TARDBP: variants seen among roughly 807,000 people sequenced by gnomAD.
The protein encoded by TARDBP is TAR DNA-binding protein 43.
A neutral mutation model predicts 38.3 loss-of-function variants in TARDBP; 4 were observed. The ratio of observed to expected loss-of-function variants is 0.10; its 90% CI spans 0.05 to 0.24. TARDBP has a LOEUF of 0.24. TARDBP is among the 10% of genes least tolerant of loss of function. The pLI is 1.00. For missense variants in TARDBP, 202 were observed against 521.9 expected (o/e 0.39, Z 5.97); for synonymous variants, 184 against 183.8 (o/e 1.00, Z -0.01).
intron 2 of TARDBP, among the ~76,000 whole-genome samples, chr1:11,015,804 C>G (rs901403273): frequency 4.0e-5 from 6 of 151,608 alleles, no homozygotes; most frequent in African/African-American, 1.5e-4. Context: ...AGTGCAGTGG[C>G]ACGATCTTGG....
intron 3 of TARDBP, 39 bp from the exon 4 acceptor site, chr1:11,018,694 A>G (rs1643577902): frequency 1.2e-6 from 2 of 1,611,874 alleles, no homozygotes; most frequent in African/African-American, 1.3e-5. Flanking sequence ...GTGTGTGAGT[A>G]TGTGCACTTT....
At chr1:11,018,538 G>C in intron 3 of TARDBP, 195 bp from the exon 4 acceptor site, 1 of 711,612 alleles carries the variant, frequency 1.4e-6, no homozygotes, top group East Asian at 2.7e-5. Flanking sequence ...GTATAAGTGA[G>C]TTTTGCTCTG....
chr1:11,013,588 A>G (rs1168213786), intron 1 of TARDBP, 128 bp from the exon 2 acceptor site: 3 of 753,120 alleles, frequency 4.0e-6, no homozygotes, highest in African/African-American at 3.5e-5. Flanking sequence ...GGGATAACCA[A>G]TGCATATACG....
chr1:11,018,588 T>G, intron 3 of TARDBP, 145 bp from the exon 4 acceptor site: 1 of 1,066,568 alleles, frequency 9.4e-7, no homozygotes, highest in East Asian at 2.4e-5. Flanking sequence ...CCTCCTTGTT[T>G]TTACTGTTAA....
Position 11,018,888 on chromosome 1 carries a change from G to C in TARDBP, c.543+15G>C, listed in dbSNP as rs749471636. On this transcript the variant is annotated intron_variant, in intron 4 of 5. Coordinates refer to ENST00000240185, the MANE Select transcript of TARDBP (RefSeq NM_007375.4). ...CTAATTCTAAGGTACTTGCGTCTGT[G>C]CTTTGGGAATTTTTGCCAACAAACT... is the stretch of plus-strand genomic sequence containing the variant. 6.2e-7 allele frequency: 1 copy of C among 1,613,988 alleles called. No homozygotes were observed. The highest frequency in any genetic ancestry group is 1.6e-4 in the Middle Eastern group (1 of 6,062).
chr1:11,018,675 G>T, intron 3 of TARDBP, 58 bp from the exon 4 acceptor site: 1 of 1,611,196 alleles, frequency 6.2e-7, no homozygotes, highest in South Asian at 1.1e-5. Context: ...ACTATGATTT[G>T]GGAATGGAGT....
At chr1:11,019,336 T>C (rs1442130617) in intron 4 of TARDBP, 1 of 302,654 alleles carries the variant, frequency 3.3e-6, no homozygotes, top group Admixed American at 5.0e-5. Flanking sequence ...ATGGCAAAGT[T>C]GATCAGTCAG....
At position 11,022,689 on chromosome 1, in the gene TARDBP, G is replaced by A. The variant is rs1156387245; in HGVS notation, c.*35G>A. The A allele has an allele frequency of 1.2e-5, 19 of 1,590,532 alleles. No homozygotes were observed. Among genetic ancestry groups the A allele is most frequent in the Non-Finnish European group, 1.6e-5 (19 of 1,169,750 alleles). ...TTGTGGTTGGTTGGTATAGAATGGTGGGAATTCAAATTTTTCTAAACTCAT... is the reference window on the plus strand; with the variant it reads ...TTGTGGTTGGTTGGTATAGAATGGTAGGAATTCAAATTTTTCTAAACTCAT... On this transcript the variant is annotated 3_prime_UTR_variant, in exon 6 of 6. Coordinates refer to ENST00000240185, the MANE Select transcript of TARDBP (RefSeq NM_007375.4). The surrounding 1 kb of genome is among the most constrained non-coding windows in gnomAD (Gnocchi z 4.5).
rs551331110 is a variant in TARDBP, at chr1:11,025,314, A to G, written c.*2660A>G. On this transcript the variant is annotated 3_prime_UTR_variant, in exon 6 of 6. Transcript: ENST00000240185. ...CAATGTTGAGTGGCCTTTTATTAAC[A>G]TGTTTATGGTACTGCATAGATACGG... The G allele has an allele frequency of 6.6e-6, 1 of 152,522 alleles. No individual in the cohort carries two copies. Among genetic ancestry groups the G allele is most frequent in the East Asian group, 1.9e-4 (1 of 5,176 alleles). The allele number at this position is 152,522 out of a possible 1,614,324, so 9.4% of individuals were successfully genotyped here. A position where few individuals can be genotyped will look rare whatever the true frequency, so the allele number is the denominator to read the frequency against.
chr1:11,027,585 C>A (rs1355355056), downstream of TARDBP: 1 of 1,614,196 alleles, frequency 6.2e-7, no homozygotes, highest in East Asian at 2.2e-5. Context: ...AGGAAAATCA[C>A]CAGGTTTTGC....
chr1:11,021,763 A>G (rs1643643507), intron 5 of TARDBP, among the ~76,000 whole-genome samples: 1 of 151,966 alleles, frequency 6.6e-6, no homozygotes, highest in African/African-American at 2.4e-5. Context: ...ACGCCCAGCT[A>G]ATGTGGCTTT....
Position 11,023,105 on chromosome 1 carries a change from A to C in TARDBP, c.*451A>C. The C allele has an allele frequency of 4.6e-6, 7 of 1,524,074 alleles. No homozygotes were observed. In the East Asian group the frequency reaches 1.2e-4, roughly 27 times the overall value. 94.4% of individuals were successfully genotyped at this position (1,524,074 alleles called of 1,614,324 possible). ...TCCTTTTAGGAGATCATGGTGTCAC[A>C]GTGTTTGGTTCTTTTGTTTTGTTTT... On this transcript the variant is annotated 3_prime_UTR_variant, in exon 6 of 6. Transcript: ENST00000240185.
Position 11,022,620 on chromosome 1 carries a change from G to A in TARDBP, c.1211G>A (p.Ser404Asn). ...GGTTTTAATGGAGGCTTTGGCTCAA[G>A]CATGGATTCTAAGTCTTCTGGCTGG... ...GSGFNGGFGS[S>N]MDSKSSGWGM The change falls in exon 6 of 6, where the codon AGC becomes AAC. Residue 404 changes from serine (S) to asparagine (N), a missense_variant. By Grantham distance (46) the Ser-to-Asn change is conservative. Coordinates refer to ENST00000240185, the MANE Select transcript of TARDBP (RefSeq NM_007375.4). The surrounding 1 kb of genome is among the most constrained non-coding windows in gnomAD (Gnocchi z 4.5). 1.2e-6 allele frequency: 2 copies of A among 1,605,338 alleles called. No homozygotes were observed. The highest frequency in any genetic ancestry group is 2.2e-5 in the South Asian group (2 of 89,974).
chr1:11,018,511 T>G (rs1643574220), intron 3 of TARDBP: 1 of 618,398 alleles, frequency 1.6e-6, no homozygotes, highest in South Asian at 2.0e-5. Flanking sequence ...TTTAAAAAAC[T>G]CAAAAACATT....
chr1:11,029,327 A>G (rs901698742), downstream of TARDBP, among the ~76,000 whole-genome samples: 2 of 148,986 alleles, frequency 1.3e-5, no homozygotes, highest in Non-Finnish European at 3.0e-5. Context: ...ATCATTCTAC[A>G]GAGGGGGAGG....
downstream of TARDBP, chr1:11,027,522 T>A: frequency 1.2e-6 from 2 of 1,614,192 alleles, no homozygotes; most frequent in South Asian, 2.2e-5. Context: ...GACCCAGTTG[T>A]CATATAAAAG....
intron 5 of TARDBP, among the ~76,000 whole-genome samples, chr1:11,021,575 C>T (rs1231381797): frequency 1.3e-5 from 2 of 152,096 alleles, no homozygotes; most frequent in African/African-American, 4.8e-5. Context: ...ACTGCTCCTG[C>T]TCCCGGCCCA....
In TARDBP at chr1:11,018,782, G is replaced by A. The variant is rs759121939; in HGVS notation, c.452G>A (p.Arg151His). The A allele has an allele frequency of 1.2e-6, 2 of 1,614,034 alleles. No individual in the cohort carries two copies. The highest frequency in any genetic ancestry group is 1.7e-6 in the Non-Finnish European group (2 of 1,180,038). The change falls in exon 4 of 6, where the codon CGT becomes CAT. Residue 151 changes from arginine (R) to histidine (H), a missense_variant. Physicochemically the swap from Arg to His is conservative, Grantham distance 29 (BLOSUM62 0). Around this residue, in one of 5 missense-constraint regions of TARDBP, gnomAD observed 71 missense variants for 185.4 expected, o/e 0.38. Coordinates refer to ENST00000240185, the MANE Select transcript of TARDBP (RefSeq NM_007375.4). Reference sequence around the variant, plus strand: ...CATTCAAAGGGGTTTGGCTTTGTTCGTTTTACGGAATATGAAACACAAGTG... The same window carrying A: ...CATTCAAAGGGGTTTGGCTTTGTTCATTTTACGGAATATGAAACACAAGTG... ...TGHSKGFGFVRFTEYETQVKV... is the reference protein window; with the variant it reads ...TGHSKGFGFVHFTEYETQVKV...
downstream of TARDBP, chr1:11,027,781 C>T: frequency 1.2e-6 from 1 of 822,572 alleles, no homozygotes; most frequent in Non-Finnish European, 1.9e-6. Flanking sequence ...GGGTGACTAC[C>T]TATACAGGCA....
Sources: gnomAD v4.1 joint callset for allele counts (sites outside exome capture counted in the v4.1 genomes callset) on GRCh38, gnomAD v4.1.1 for gene constraint, gnomAD v4.1.1 regional missense constraint, Gnocchi (gnomAD v3.1) non-coding constraint, MANE v1.5 for transcripts, NCBI Gene and HGNC (gene_info 2026-07-23, HGNC 2026-07-21) for gene names.